FHIT: variants seen among roughly 807,000 people sequenced by gnomAD.
FHIT encodes fragile histidine triad diadenosine triphosphatase.
In FHIT, 19 loss-of-function variants were observed where a neutral mutation model predicts 17.9. That is an observed-to-expected ratio of 1.06 (90% CI 0.74 to 1.56). The LOEUF (loss-of-function observed/expected upper bound fraction) is 1.56. FHIT is among the 40% of genes most tolerant of loss of function. The pLI is 0.00. For missense variants in FHIT, 248 were observed against 189.2 expected (o/e 1.31, Z -1.82); for synonymous variants, 81 against 69.7 (o/e 1.16, Z -0.81).
intron 5 of FHIT, among the ~76,000 whole-genome samples, chr3:60,164,845 T>C (rs1701098268): frequency 6.6e-6 from 1 of 152,128 alleles, no homozygotes; most frequent in African/African-American, 2.4e-5. Context: ...CTTGCCTAAT[T>C]ATACCTACGT....
chr3:61,119,904 G>T (rs150348130), intron 2 of FHIT, among the ~76,000 whole-genome samples: 1 of 152,114 alleles, frequency 6.6e-6, no homozygotes, highest in African/African-American at 2.4e-5. Context: ...AGACTATACC[G>T]CCAGCTTTTC....
chr3:61,214,186 A>G (rs1316040618), intron 1 of FHIT, among the ~76,000 whole-genome samples: 1 of 152,216 alleles, frequency 6.6e-6, no homozygotes, highest in Non-Finnish European at 1.5e-5. Context: ...TAGAGACACA[A>G]AAAACCCTTC....
At chr3:60,309,156 ATAAAC>A (rs967650629) in intron 5 of FHIT, among the ~76,000 whole-genome samples, 1 of 152,106 alleles carries the variant, frequency 6.6e-6, no homozygotes, top group Non-Finnish European at 1.5e-5. Context: ...TTAATTACCA[ATAAAC>A]TAAACACCAG....
intron 5 of FHIT, among the ~76,000 whole-genome samples, chr3:60,527,980 C>T (rs952656118): frequency 2.0e-5 from 3 of 152,198 alleles, no homozygotes; most frequent in Non-Finnish European, 4.4e-5. Flanking sequence ...GAGGATAGAA[C>T]AATTTTTGTT....
At chr3:60,856,226 C>T (rs960451642) in intron 3 of FHIT, among the ~76,000 whole-genome samples, 1 of 151,946 alleles carries the variant, frequency 6.6e-6, no homozygotes, top group African/African-American at 2.4e-5. Context: ...CCCTGACATA[C>T]GTCTTCAAAA....
chr3:61,041,492 C>T (rs2033513050), intron 3 of FHIT, among the ~76,000 whole-genome samples: 1 of 151,908 alleles, frequency 6.6e-6, no homozygotes, highest in African/African-American at 2.4e-5. Context: ...CAATTAGCAA[C>T]ACTATTTGAC....
At chr3:60,371,716 T>C (rs936341183) in intron 5 of FHIT, among the ~76,000 whole-genome samples, 3 of 152,128 alleles carry the variant, frequency 2.0e-5, no homozygotes, top group African/African-American at 7.2e-5. Flanking sequence ...TACCCCCAGA[T>C]AGCTGAGCAT....
intron 5 of FHIT, among the ~76,000 whole-genome samples, chr3:60,313,804 G>A (rs1001133964): frequency 6.6e-5 from 10 of 152,118 alleles, no homozygotes; most frequent in African/African-American, 2.2e-4. Flanking sequence ...CTGTGCAAAC[G>A]GACTTTGAAG....
intron 5 of FHIT, among the ~76,000 whole-genome samples, chr3:60,234,947 T>C (rs1481467196): frequency 6.6e-6 from 1 of 152,162 alleles, no homozygotes; most frequent in African/African-American, 2.4e-5. Context: ...TATTTTTACT[T>C]TTAATATACC....
chr3:60,953,302 C>T (rs41384746), intron 3 of FHIT, among the ~76,000 whole-genome samples: 40,921 of 152,044 alleles, frequency 0.27, 5,661 homozygotes, highest in African/African-American at 0.29. Context: ...GCTCCCTAAA[C>T]GCAAGGACGA....
chr3:59,977,820 T>C (rs1040825452), intron 7 of FHIT, among the ~76,000 whole-genome samples: 2 of 152,164 alleles, frequency 1.3e-5, no homozygotes, highest in Non-Finnish European at 2.9e-5. Context: ...AAATTTCTGA[T>C]AGTTCTAGTT....
chr3:60,846,830 T>A (rs998227658), intron 3 of FHIT, among the ~76,000 whole-genome samples: 3 of 152,140 alleles, frequency 2.0e-5, no homozygotes, highest in Non-Finnish European at 2.9e-5. Flanking sequence ...ATCTTTCTTT[T>A]TTTTTTTCTT....
At chr3:61,172,357 A>G (rs1446086794) in intron 2 of FHIT, among the ~76,000 whole-genome samples, 7 of 152,208 alleles carry the variant, frequency 4.6e-5, no homozygotes, top group Non-Finnish European at 1.5e-5. Context: ...AGCACAGCAT[A>G]TATAATGACT....
intron 7 of FHIT, among the ~76,000 whole-genome samples, chr3:59,937,495 G>C (rs1170720973): frequency 6.6e-6 from 1 of 152,182 alleles, no homozygotes; most frequent in Non-Finnish European, 1.5e-5. Flanking sequence ...GGTGTAGTTA[G>C]AAGTTGTGTT....
At chr3:60,446,898 A>G (rs1325937706) in intron 5 of FHIT, among the ~76,000 whole-genome samples, 1 of 144,536 alleles carries the variant, frequency 6.9e-6, no homozygotes, top group African/African-American at 2.5e-5. Flanking sequence ...AATAATAATA[A>G]TAAAAAGCCT....
intron 3 of FHIT, among the ~76,000 whole-genome samples, chr3:60,869,889 G>C (rs990267122): frequency 1.3e-5 from 2 of 152,052 alleles, no homozygotes; most frequent in South Asian, 2.1e-4. Flanking sequence ...GTCTGTTCTT[G>C]AGCTCTTTTT....
At chr3:60,430,327 A>G (rs1370158116) in intron 5 of FHIT, among the ~76,000 whole-genome samples, 4 of 151,966 alleles carry the variant, frequency 2.6e-5, no homozygotes, top group Non-Finnish European at 4.4e-5. Context: ...CTGAACAAAC[A>G]TTACCTTTTT....
chr3:60,757,223 A>T (rs1203929047), intron 4 of FHIT, among the ~76,000 whole-genome samples: 1 of 152,212 alleles, frequency 6.6e-6, no homozygotes, highest in Non-Finnish European at 1.5e-5. Context: ...AGATATTTTC[A>T]TTGAAAATAA....
intron 1 of FHIT, among the ~76,000 whole-genome samples, chr3:61,216,005 A>C (rs951003821): frequency 6.6e-6 from 1 of 152,188 alleles, no homozygotes; most frequent in African/African-American, 2.4e-5. Context: ...AGATGCATTA[A>C]AGACTTAAAC....
Sources: gnomAD v4.1 joint callset for allele counts (sites outside exome capture counted in the v4.1 genomes callset) on GRCh38, gnomAD v4.1.1 for gene constraint, MANE v1.5 for transcripts, NCBI Gene and HGNC (gene_info 2026-07-23, HGNC 2026-07-21) for gene names.